LRRC38: variants seen among roughly 807,000 people sequenced by gnomAD.
LRRC38 encodes leucine rich repeat containing 38.
A neutral mutation model predicts 16.4 loss-of-function variants in LRRC38; 5 were observed. The observed-to-expected ratio is 0.31, with a 90% CI of 0.16 to 0.64. The LOEUF (loss-of-function observed/expected upper bound fraction) is 0.64. Among genes scored for constraint, LRRC38 ranks in the 30% least tolerant of loss-of-function variants. LRRC38 has a pLI of 0.80. For synonymous variants in LRRC38, 191 were observed against 190.2 expected, an observed-to-expected ratio of 1.00 and a Z score of -0.04; for missense variants, 341 against 401.8, an observed-to-expected ratio of 0.85 and a Z score of 1.29.
chr1:13,491,699 G>A (rs1406958231), intron 1 of LRRC38, among the ~76,000 whole-genome samples: 1 of 149,986 alleles, frequency 6.7e-6, no homozygotes, highest in Admixed American at 6.6e-5. Context: ...TGTTTGAGAC[G>A]GAGTCTCCCT....
rs1335849208 is a variant in LRRC38, at chr1:13,475,867, T to C, written c.864A>G (p.Glu288=). Residue 288 remains glutamate, a synonymous_variant, in exon 2 of 2, where the codon GAA becomes GAG. Coordinates refer to ENST00000376085, the MANE Select transcript of LRRC38 (RefSeq NM_001010847.2). The surrounding 1 kb of genome is among the most constrained non-coding windows in gnomAD (Gnocchi z 4.3). ...RCAPNKDAED[E]DEDKDD is the part of the protein sequence containing the mutation. ...TGGCTCAGTCATCCTTGTCCTCGTC[T>C]TCATCCTCCGCATCTTTGTTGGGTG... 4 of 1,550,116 alleles carry C rather than the reference T, an allele frequency of 2.6e-6. No homozygotes were observed.
rs952302370 is a variant in LRRC38 at position 13,513,634 on chromosome 1, C to A, written c.-41G>T. 5.2e-5 allele frequency: 54 copies of A among 1,046,602 alleles called. No homozygotes were observed. Among genetic ancestry groups the A allele is most frequent in the Non-Finnish European group, 5.5e-5 (48 of 871,352 alleles). 64.8% of individuals were successfully genotyped at this position (1,046,602 alleles called of 1,614,324 possible). ...GCCGGCCGCGGCGAGAAGGAAGCGG[C>A]TCTCGGAGCGAGCCCTGGCGCGGGA... On this transcript the variant is annotated 5_prime_UTR_variant, in exon 1 of 2. Transcript: ENST00000376085.
At chr1:13,478,577 C>A (rs1481662676) in intron 1 of LRRC38, among the ~76,000 whole-genome samples, 4 of 152,208 alleles carry the variant, frequency 2.6e-5, no homozygotes, top group African/African-American at 9.7e-5. Context: ...TGGCTTCCTT[C>A]AACTCTCAGG....
chr1:13,482,889 A>T (rs933039491), intron 1 of LRRC38, among the ~76,000 whole-genome samples: 3 of 152,318 alleles, frequency 2.0e-5, no homozygotes, highest in East Asian at 1.9e-4. Context: ...CCTCAGGCCA[A>T]CCTGATCAGA....
chr1:13,511,926 A>G (rs1639278434), intron 1 of LRRC38, among the ~76,000 whole-genome samples: 1 of 152,212 alleles, frequency 6.6e-6, no homozygotes, highest in Non-Finnish European at 1.5e-5. Context: ...ACAGATGAAC[A>G]GCATCCTTGA....
chr1:13,496,884 T>C (rs1639086637), intron 1 of LRRC38, among the ~76,000 whole-genome samples: 1 of 152,022 alleles, frequency 6.6e-6, no homozygotes, highest in Admixed American at 6.6e-5. Flanking sequence ...TCAATGGGGC[T>C]GCGGCCCAGG....
chr1:13,512,920 T>TTCCCCCC (rs1557507401), intron 1 of LRRC38, 43 bp downstream of exon 1: 9 of 1,269,022 alleles, frequency 7.1e-6, no homozygotes, highest in South Asian at 4.1e-5. Context: ...GGCCTCTCCC[T>TTCCCCCC]GCCCCCCTCC....
rs542214776 is a variant in LRRC38, at chr1:13,488,940, T to C, written c.632-12841A>G. Among the ~76,000 whole-genome samples, 3 of 152,234 alleles carry C rather than the reference T, an allele frequency of 2.0e-5. No homozygotes were observed. In the South Asian group the frequency reaches 6.2e-4, roughly 32 times the overall value. ...CCACAACCTTCAACTTGTGGGAATA[T>C]GTCTTAGGGAAATCATGAAGAATGT... On this transcript the variant is annotated intron_variant, in intron 1 of 1. Transcript: ENST00000376085.
intron 1 of LRRC38, among the ~76,000 whole-genome samples, chr1:13,503,567 C>T (rs1378113708): frequency 2.0e-5 from 3 of 152,232 alleles, no homozygotes; most frequent in East Asian, 1.9e-4. Flanking sequence ...CCACGCCCAG[C>T]CCATTCTAAA....
At chr1:13,507,973 G>A (rs1248137489) in intron 1 of LRRC38, among the ~76,000 whole-genome samples, 4 of 152,124 alleles carry the variant, frequency 2.6e-5, no homozygotes, top group East Asian at 1.9e-4. Context: ...AGTGGCTCAC[G>A]CCTGTAATAC....
At chr1:13,503,692 C>T (rs1209634346) in intron 1 of LRRC38, among the ~76,000 whole-genome samples, 1 of 152,214 alleles carries the variant, frequency 6.6e-6, no homozygotes, top group African/African-American at 2.4e-5. Context: ...CTGGGAAAAT[C>T]CACTCTCTGA....
intron 1 of LRRC38, among the ~76,000 whole-genome samples, chr1:13,511,340 T>C (rs1417848815): frequency 6.6e-6 from 1 of 152,032 alleles, no homozygotes; most frequent in Non-Finnish European, 1.5e-5. Flanking sequence ...GTCCCCCAGA[T>C]TTTAGGCCAG....
intron 1 of LRRC38, among the ~76,000 whole-genome samples, chr1:13,489,573 T>G (rs1638983344): frequency 6.6e-6 from 1 of 152,092 alleles, no homozygotes; most frequent in African/African-American, 2.4e-5. Flanking sequence ...GGTCCTTAAT[T>G]CACCCTGAGC....
intron 1 of LRRC38, among the ~76,000 whole-genome samples, chr1:13,483,446 G>T (rs929516241): frequency 6.6e-6 from 1 of 152,204 alleles, no homozygotes; most frequent in African/African-American, 2.4e-5. Flanking sequence ...ACCACACCCA[G>T]CCCAGGCAGA....
intron 1 of LRRC38, among the ~76,000 whole-genome samples, chr1:13,478,608 T>A (rs1413009844): frequency 6.6e-6 from 1 of 152,156 alleles, no homozygotes; most frequent in East Asian, 1.9e-4. Context: ...CCTCCTCTCT[T>A]TTTTGGTGCT....
At chr1:13,495,151 G>A (rs779578728) in intron 1 of LRRC38, among the ~76,000 whole-genome samples, 7 of 152,186 alleles carry the variant, frequency 4.6e-5, no homozygotes, top group Admixed American at 1.3e-4. Context: ...GCAGAAGCAC[G>A]ACAAATATTC....
At chr1:13,504,831 GAA>G (rs1639192192) in intron 1 of LRRC38, among the ~76,000 whole-genome samples, 1 of 145,872 alleles carries the variant, frequency 6.9e-6, no homozygotes, top group African/African-American at 2.6e-5. Flanking sequence ...GAAGAAAAGA[GAA>G]AGAAGAAAGA....
intron 1 of LRRC38, among the ~76,000 whole-genome samples, chr1:13,505,301 G>T (rs1221069500): frequency 6.6e-6 from 1 of 152,204 alleles, no homozygotes; most frequent in Non-Finnish European, 1.5e-5. Flanking sequence ...AGCAGGAGCT[G>T]CGGCTCAGGG....
rs1638837535 is a variant in LRRC38 at position 13,480,344 on chromosome 1, T to TA, written c.632-4246dup. Among the ~76,000 whole-genome samples the TA allele has an allele frequency of 1.4e-5, 2 of 146,520 alleles. 1 individual carries two copies. The highest frequency in any genetic ancestry group is 4.2e-4 in the East Asian group (2 of 4,756). Reference sequence around the variant, plus strand: ...TGGGTAATAAGAGCGAAACTCTGTCTAAAAAATAAACAAACTGTCTCCAGA... The same window carrying TA: ...TGGGTAATAAGAGCGAAACTCTGTCTAAAAAAATAAACAAACTGTCTCCAGA... On this transcript the variant is annotated intron_variant, in intron 1 of 1. Transcript: ENST00000376085.
Sources: gnomAD v4.1 joint callset for allele counts (sites outside exome capture counted in the v4.1 genomes callset) on GRCh38, gnomAD v4.1.1 for gene constraint, Gnocchi (gnomAD v3.1) non-coding constraint, MANE v1.5 for transcripts, NCBI Gene and HGNC (gene_info 2026-07-23, HGNC 2026-07-21) for gene names.